Variants in SORCS3 observed in about 807,000 individuals in gnomAD.
SORCS3 encodes sortilin related VPS10 domain containing receptor 3.
In SORCS3, 57 loss-of-function variants were observed where a neutral mutation model predicts 146.3. The ratio of observed to expected loss-of-function variants is 0.39; its 90% confidence interval spans 0.31 to 0.49. The LOEUF (loss-of-function observed/expected upper bound fraction) is 0.49. Ranked by LOEUF, SORCS3 falls within the 20% of genes least tolerant of loss-of-function variation. The pLI is 0.92. For synonymous variants in SORCS3, 653 were observed against 618.5 expected (o/e 1.06, Z -0.83); for missense variants, 1,341 against 1,575.5 (o/e 0.85, Z 2.52).
intron 1 of SORCS3, among the ~76,000 whole-genome samples, chr10:104,746,285 C>T (rs997510940): frequency 1.4e-4 from 22 of 151,988 alleles, no homozygotes; most frequent in South Asian, 6.2e-4. Context: ...TACAGGTGCC[C>T]GCCACTACGC....
intron 1 of SORCS3, among the ~76,000 whole-genome samples, chr10:104,722,167 A>C (rs1198962653): frequency 3.3e-5 from 5 of 152,158 alleles, no homozygotes; most frequent in Admixed American, 6.5e-5. Context: ...TACCTAATTT[A>C]TTGAGAGTTT....
chr10:104,809,546 C>G (rs2133517259), intron 1 of SORCS3, among the ~76,000 whole-genome samples: 1 of 152,272 alleles, frequency 6.6e-6, no homozygotes, highest in Admixed American at 6.5e-5. Flanking sequence ...AAACGCCAAC[C>G]TATATTTAAA....
intron 6 of SORCS3, among the ~76,000 whole-genome samples, chr10:105,100,494 A>G (rs1385468242): frequency 2.6e-5 from 4 of 152,208 alleles, no homozygotes; most frequent in African/African-American, 9.6e-5. Flanking sequence ...TGCTTACATA[A>G]AAGTCCATGT....
In SORCS3 at chr10:105,141,043, A is replaced by C. The variant is rs572041563; in HGVS notation, c.1302+1557A>C. 5.9e-5 allele frequency among the ~76,000 whole-genome samples: 9 copies of C among 152,272 alleles called. No individual in the cohort carries two copies. The East Asian group carries it at 1.7e-3, about 29-fold the overall frequency. ...CTAAGCCTAGGAAATGAGTTTAGGG[A>C]ACTTTCCAAGCCATCTCCCTGAGGT... On this transcript the variant is annotated intron_variant, in intron 8 of 26. Coordinates refer to ENST00000369701, the MANE Select transcript of SORCS3 (RefSeq NM_014978.3).
intron 6 of SORCS3, among the ~76,000 whole-genome samples, chr10:105,104,208 C>T (rs981540121): frequency 6.6e-6 from 1 of 152,134 alleles, no homozygotes; most frequent in Non-Finnish European, 1.5e-5. Context: ...TGTAATAATG[C>T]ATGTGGTTTT....
intron 16 of SORCS3, among the ~76,000 whole-genome samples, chr10:105,205,683 C>T (rs2056598372): frequency 2.0e-5 from 3 of 152,092 alleles, no homozygotes; most frequent in Non-Finnish European, 4.4e-5. Context: ...ATTATTATGC[C>T]CAGGAGTTCT....
intron 3 of SORCS3, among the ~76,000 whole-genome samples, chr10:104,971,899 T>C (rs2054862693): frequency 6.6e-6 from 1 of 152,200 alleles, no homozygotes; most frequent in Non-Finnish European, 1.5e-5. Context: ...ATTGTTGTGG[T>C]ATCAAAGGCT....
At chr10:104,977,121 A>G (rs566765299) in intron 3 of SORCS3, among the ~76,000 whole-genome samples, 15 of 152,242 alleles carry the variant, frequency 9.9e-5, no homozygotes, top group East Asian at 3.9e-4. Flanking sequence ...ACCTTCTTCT[A>G]TATGCTTCTA....
chr10:105,120,995 C>A (rs540990281), intron 7 of SORCS3, among the ~76,000 whole-genome samples: 1 of 152,204 alleles, frequency 6.6e-6, no homozygotes, highest in Non-Finnish European at 1.5e-5. Context: ...ATTCAGGATG[C>A]TTATATGGAG....
In SORCS3 at chr10:105,256,913, C is replaced by T. The variant is rs1173694647; in HGVS notation, c.3432C>T (p.Tyr1144=). The T allele has an allele frequency of 6.2e-7, 1 of 1,612,772 alleles. No individual in the cohort carries two copies. The highest frequency in any genetic ancestry group is 1.3e-5 in the African/African-American group (1 of 75,040). Residue 1144 remains tyrosine (Y), a synonymous_variant, in exon 25 of 27, where the codon TAC becomes TAT. Coordinates refer to ENST00000369701, the MANE Select transcript of SORCS3 (RefSeq NM_014978.3). ...TTGGCCTGGCTGTGTTTTTGATCTA[C>T]AAGTTTAAAAGGTATGTCCTATTAT... ...VFVGLAVFLI[Y]KFKRKIPWIN...
intron 1 of SORCS3, among the ~76,000 whole-genome samples, chr10:104,661,302 G>C (rs951046072): frequency 6.6e-6 from 1 of 152,128 alleles, no homozygotes; most frequent in Non-Finnish European, 1.5e-5. Flanking sequence ...AGAAATAGGG[G>C]AGTATTTTTC....
chr10:105,177,688 G>A (rs553163370), intron 13 of SORCS3, among the ~76,000 whole-genome samples: 1 of 152,124 alleles, frequency 6.6e-6, no homozygotes, highest in East Asian at 1.9e-4. Context: ...CTTTCCATTG[G>A]GTCCACCAGC....
chr10:104,769,322 A>G (rs2017219742), intron 1 of SORCS3, among the ~76,000 whole-genome samples: 1 of 152,186 alleles, frequency 6.6e-6, no homozygotes, highest in Non-Finnish European at 1.5e-5. Context: ...CTGGCTCTGG[A>G]GGCCATCCCA....
intron 2 of SORCS3, among the ~76,000 whole-genome samples, chr10:104,847,394 A>G (rs1473763254): frequency 6.6e-6 from 1 of 152,228 alleles, no homozygotes; most frequent in African/African-American, 2.4e-5. Context: ...CAAAAACTTT[A>G]AAGAAGTTTA....
At chr10:104,696,341 TG>T (rs377295663) in intron 1 of SORCS3, among the ~76,000 whole-genome samples, 27 of 2,308 alleles carry the variant, frequency 0.012, 6 homozygotes, top group African/African-American at 0.019. Context: ...ATATGATATA[TG>T]ATATATATCA....
At chr10:105,235,110 G>C (rs1204488574) in intron 20 of SORCS3, among the ~76,000 whole-genome samples, 1 of 152,050 alleles carries the variant, frequency 6.6e-6, no homozygotes. Flanking sequence ...TAGCTAGAGT[G>C]GGCTGTAGGT....
chr10:104,756,045 C>T (rs779988291), intron 1 of SORCS3, among the ~76,000 whole-genome samples: 1 of 152,136 alleles, frequency 6.6e-6, no homozygotes, highest in African/African-American at 2.4e-5. Flanking sequence ...ACATGTTGAA[C>T]ATTAGCCAAA....
intron 1 of SORCS3, among the ~76,000 whole-genome samples, chr10:104,759,869 G>T (rs2017099799): frequency 6.6e-6 from 1 of 152,160 alleles, no homozygotes; most frequent in Non-Finnish European, 1.5e-5. Flanking sequence ...TGAGGAGCTT[G>T]TACAGAACTG....
chr10:104,749,270 A>G (rs1359464097), intron 1 of SORCS3, among the ~76,000 whole-genome samples: 2 of 138,846 alleles, frequency 1.4e-5, no homozygotes, highest in African/African-American at 5.5e-5. Context: ...TGTGTGTGTA[A>G]TGGTTACAAC....
Sources: allele counts gnomAD v4.1 joint callset (sites outside exome capture counted in the v4.1 genomes callset), GRCh38; gene constraint gnomAD v4.1.1; transcripts MANE v1.5; gene names NCBI Gene and HGNC (gene_info 2026-07-23, HGNC 2026-07-21).